Variants in ZNF385B observed in about 807,000 individuals in gnomAD.
ZNF385B encodes zinc finger protein 385B.
A neutral mutation model predicts 39.2 loss-of-function variants in ZNF385B; 23 were observed. That is an observed-to-expected ratio of 0.59 (90% CI 0.42 to 0.83). The LOEUF is 0.83. Among genes scored for constraint, ZNF385B ranks in the 40% least tolerant of loss-of-function variants. The pLI is 0.00. For synonymous variants in ZNF385B, 205 were observed against 222.6 expected (o/e 0.92, Z 0.70); for missense variants, 552 against 598.9 (o/e 0.92, Z 0.82).
intron 1 of ZNF385B, among the ~76,000 whole-genome samples, chr2:179,842,019 G>A (rs923939865): frequency 3.9e-5 from 6 of 152,136 alleles, no homozygotes; most frequent in Non-Finnish European, 8.8e-5. Flanking sequence ...TTAAATCCCA[G>A]GAATCACTCA....
At chr2:179,808,605 T>C (rs369559419) in intron 1 of ZNF385B, among the ~76,000 whole-genome samples, 3 of 152,294 alleles carry the variant, frequency 2.0e-5, no homozygotes, top group East Asian at 3.9e-4. Context: ...AATAAAAATA[T>C]AAAAACAAAT....
chr2:179,719,216 T>C (rs577716411), intron 3 of ZNF385B, among the ~76,000 whole-genome samples: 1 of 152,082 alleles, frequency 6.6e-6, no homozygotes, highest in South Asian at 2.1e-4. Flanking sequence ...TAAACATCCA[T>C]TGTTTTCTGG....
intron 3 of ZNF385B, among the ~76,000 whole-genome samples, chr2:179,755,954 T>G: frequency 6.6e-6 from 1 of 152,222 alleles, no homozygotes; most frequent in Non-Finnish European, 1.5e-5. Context: ...TATTGTTATG[T>G]GTGAATTTGA....
intron 4 of ZNF385B, among the ~76,000 whole-genome samples, chr2:179,537,815 A>G (rs2105885060): frequency 6.6e-6 from 1 of 152,260 alleles, no homozygotes; most frequent in African/African-American, 2.4e-5. Context: ...ATAGAAATCA[A>G]TGCTTAAATA....
rs572826074 is a variant in ZNF385B at position 179,501,123 on chromosome 2, C to G, written c.552+17405G>C. Among the ~76,000 whole-genome samples the G allele has an allele frequency of 5.3e-5, 8 of 152,156 alleles. No individual in the cohort carries two copies. In the East Asian group the frequency reaches 9.7e-4, roughly 18 times the overall value. ...GGTAAGGATGTAGAGAAAAGGGAAC[C>G]CTTGTGCACTATTGGTGGGAATGTA... On this transcript the variant is annotated intron_variant, in intron 5 of 9. Coordinates refer to ENST00000410066, the MANE Select transcript of ZNF385B (RefSeq NM_152520.6).
rs78672566 is a variant in ZNF385B at position 179,443,409 on chromosome 2, T to A, written c.1302A>T (p.Ser434=). The A allele has an allele frequency of 5.3e-5, 86 of 1,610,632 alleles. No individual in the cohort carries two copies. The highest frequency in any genetic ancestry group is 7.0e-5 in the Non-Finnish European group (83 of 1,178,850). ...ACACGGCTGCCGCCGCTGCGAGAGG[T>A]GAGGACAGGAAGGCTGGGGCCAAAG... is the stretch of plus-strand genomic sequence containing the variant. ...MKPLAPAFLS[S]PLAAAAAVSS... The change falls in exon 10 of 10, where the codon TCA becomes TCT. Residue 434 remains serine (S), a synonymous_variant. Transcript: ENST00000410066.
chr2:179,448,790 G>A (rs965299647), intron 6 of ZNF385B, among the ~76,000 whole-genome samples: 1 of 151,982 alleles, frequency 6.6e-6, no homozygotes, highest in Non-Finnish European at 1.5e-5. Context: ...ACAAAAGGAG[G>A]ACTTAATATA....
chr2:179,508,377 C>A lies in ZNF385B; in HGVS notation c.552+10151G>T, dbSNP rs544419159. Among the ~76,000 whole-genome samples the A allele has an allele frequency of 5.9e-5, 9 of 152,246 alleles. No homozygotes were observed. The South Asian group carries it at 1.7e-3, about 28-fold the overall frequency. ...TTATTGTTAAGGATTCTGCAACAAA[C>A]CTTCACTAAAGAAATCCATACCAAG... is the stretch of plus-strand genomic sequence containing the variant. On this transcript the variant is annotated intron_variant, in intron 5 of 9. Transcript: ENST00000410066.
At chr2:179,663,843 T>C (rs1295242889) in intron 3 of ZNF385B, among the ~76,000 whole-genome samples, 1 of 151,812 alleles carries the variant, frequency 6.6e-6, no homozygotes, top group Non-Finnish European at 1.5e-5. Flanking sequence ...TCAGTTCTCA[T>C]ACAGTCATTG....
chr2:179,663,738 A>AAAAAAAAC (rs1694793758), intron 3 of ZNF385B, among the ~76,000 whole-genome samples: 2 of 148,492 alleles, frequency 1.3e-5, no homozygotes, highest in East Asian at 1.9e-4. Flanking sequence ...AAAAAAAAAA[A>AAAAAAAAC]TCTCATGAAA....
chr2:179,791,572 A>G (rs1705326673), intron 1 of ZNF385B, among the ~76,000 whole-genome samples: 1 of 152,192 alleles, frequency 6.6e-6, no homozygotes, highest in Non-Finnish European at 1.5e-5. Context: ...GAGGCAGGTG[A>G]GGCGCTTGTC....
intron 6 of ZNF385B, among the ~76,000 whole-genome samples, chr2:179,455,312 T>C (rs751837565): frequency 7.9e-5 from 12 of 152,056 alleles, no homozygotes; most frequent in Non-Finnish European, 1.8e-4. Flanking sequence ...TCTTGAGTTA[T>C]AGTTCCCATA....
At chr2:179,520,762 T>C (rs773355004) in intron 4 of ZNF385B, among the ~76,000 whole-genome samples, 1 of 152,202 alleles carries the variant, frequency 6.6e-6, no homozygotes, top group Non-Finnish European at 1.5e-5. Flanking sequence ...GTGAACTACA[T>C]GGGATTAAAC....
At chr2:179,578,901 T>C (rs1441936423) in intron 3 of ZNF385B, among the ~76,000 whole-genome samples, 2 of 152,156 alleles carry the variant, frequency 1.3e-5, no homozygotes, top group African/African-American at 4.8e-5. Context: ...AACATTCTCT[T>C]ACTTATATAT....
intron 3 of ZNF385B, among the ~76,000 whole-genome samples, chr2:179,568,363 G>A (rs888653674): frequency 1.3e-5 from 2 of 152,098 alleles, no homozygotes; most frequent in African/African-American, 4.8e-5. Flanking sequence ...ATTATCTCCT[G>A]TTACTAAAAT....
At chr2:179,824,173 C>A (rs1168690310) in intron 1 of ZNF385B, among the ~76,000 whole-genome samples, 1 of 152,126 alleles carries the variant, frequency 6.6e-6, no homozygotes, top group Non-Finnish European at 1.5e-5. Flanking sequence ...TATTGAAATG[C>A]TAGTATCTAC....
At chr2:179,445,270 A>G (rs16866730) in intron 8 of ZNF385B, among the ~76,000 whole-genome samples, 6,378 of 152,254 alleles carry the variant, frequency 0.042, 457 homozygotes, top group African/African-American at 0.14. Flanking sequence ...TTAACATCTT[A>G]CCTTACCAGA....
chr2:179,476,241 G>A (rs2105553616), intron 6 of ZNF385B, among the ~76,000 whole-genome samples: 1 of 152,082 alleles, frequency 6.6e-6, no homozygotes, highest in Admixed American at 6.5e-5. Flanking sequence ...GGCATTTATG[G>A]TTATACATTT....
At chr2:179,616,484 T>A (rs568663897) in intron 3 of ZNF385B, among the ~76,000 whole-genome samples, 4 of 151,558 alleles carry the variant, frequency 2.6e-5, no homozygotes, top group African/African-American at 9.7e-5. Flanking sequence ...CAGGTGTATG[T>A]CACCACGCCG....
Sources: gnomAD v4.1 joint callset for allele counts (sites outside exome capture counted in the v4.1 genomes callset) on GRCh38, gnomAD v4.1.1 for gene constraint, MANE v1.5 for transcripts, NCBI Gene and HGNC (gene_info 2026-07-23, HGNC 2026-07-21) for gene names.